PCDH7: variants seen among roughly 807,000 people sequenced by gnomAD.
The protein encoded by PCDH7 is protocadherin 7, also known as protocadherin-7.
Under a neutral mutation model 58.9 loss-of-function variants are expected in PCDH7, and 17 were observed. The ratio of observed to expected loss-of-function variants is 0.29; its 90% CI spans 0.20 to 0.43. The LOEUF is 0.43. PCDH7 is among the 20% of genes least tolerant of loss of function. The probability of loss-of-function intolerance (pLI) is 1.00; values close to 1 mark genes in which losing one functional copy is unlikely to be tolerated. For synonymous variants in PCDH7, 664 were observed against 616.4 expected (o/e 1.08, Z -1.14); for missense variants, 1,274 against 1,441.0 (o/e 0.88, Z 1.88).
chr4:31,096,225 C>A (rs1713961438), intron 3 of PCDH7, among the ~76,000 whole-genome samples: 1 of 152,130 alleles, frequency 6.6e-6, no homozygotes, highest in African/African-American at 2.4e-5. Context: ...TTAGACGGAA[C>A]TGTTTCTGGT....
chr4:30,905,745 AG>A (rs1317758254), intron 1 of PCDH7, among the ~76,000 whole-genome samples: 1 of 152,228 alleles, frequency 6.6e-6, no homozygotes, highest in Non-Finnish European at 1.5e-5. Flanking sequence ...GTGTAATCAT[AG>A]AGCCTTACAA....
rs71190491 is a variant in PCDH7 at position 31,108,369 on chromosome 4, T to TAAAAAAAAAAAAAAAAA, written c.*8-34080_*8-34064dup. 2.3e-4 allele frequency among the ~76,000 whole-genome samples: 14 copies of TAAAAAAAAAAAAAAAAA among 60,092 alleles called. 2 individuals are homozygous for TAAAAAAAAAAAAAAAAA. Among genetic ancestry groups the TAAAAAAAAAAAAAAAAA allele is most frequent in the East Asian group, 5.1e-4 (1 of 1,970 alleles). 39.4% of individuals were successfully genotyped at this position (60,092 alleles called of 152,430 possible). ...GTAGACTGTAACATACAGCATACAG[T>TAAAAAAAAAAAAAAAAA]AAAAAAAAAAAAAAAAAAAAAAAAA... On this transcript the variant is annotated intron_variant, in intron 3 of 3. Coordinates refer to the PCDH7 transcript ENST00000509759.
intron 3 of PCDH7, among the ~76,000 whole-genome samples, chr4:31,111,671 A>G (rs1716337334): frequency 6.6e-6 from 1 of 152,200 alleles, no homozygotes; most frequent in Admixed American, 6.5e-5. Context: ...ATGTTCTAAG[A>G]ACAATAAGCA....
At chr4:30,760,154 T>C (rs1385927564) in intron 1 of PCDH7, among the ~76,000 whole-genome samples, 1 of 152,198 alleles carries the variant, frequency 6.6e-6, no homozygotes, top group East Asian at 1.9e-4. Context: ...TTTCTACATG[T>C]TTCTCAGCCT....
Position 30,807,213 on chromosome 4 carries a change from C to G in PCDH7, c.70+82617C>G, listed in dbSNP as rs144641653. On this transcript the variant is annotated intron_variant, in intron 1 of 3. Transcript: ENST00000509759. The stretch of plus-strand genomic sequence containing the variant: ...ATTGTGCTTAAGCCTGGAAATTCTT[C>G]CCTTGAATCACAAATTATTTTATTA... Among the ~76,000 whole-genome samples the G allele has an allele frequency of 5.7e-3, 872 of 152,224 alleles. 12 individuals are homozygous for G. The highest frequency in any genetic ancestry group is 0.019 in the African/African-American group (809 of 41,534).
intron 1 of PCDH7, among the ~76,000 whole-genome samples, chr4:30,872,629 T>C (rs563644820): frequency 2.2e-4 from 34 of 152,090 alleles, no homozygotes; most frequent in African/African-American, 7.9e-4. Flanking sequence ...CTCTGTAAGT[T>C]TCAATCCCTC....
intron 3 of PCDH7, among the ~76,000 whole-genome samples, chr4:31,067,848 G>C (rs1296157080): frequency 1.3e-5 from 2 of 151,912 alleles, no homozygotes; most frequent in Non-Finnish European, 2.9e-5. Context: ...GAAGTTGCTG[G>C]AGATAAATGA....
At chr4:30,868,995 A>G (rs1465498189) in intron 1 of PCDH7, 1 of 152,114 alleles carries the variant, frequency 6.6e-6, no homozygotes, top group African/African-American at 2.4e-5. Flanking sequence ...GAAAACCAAA[A>G]ATGTTATCAA....
At chr4:30,945,011 T>G (rs539640069) in intron 2 of PCDH7, among the ~76,000 whole-genome samples, 5 of 152,228 alleles carry the variant, frequency 3.3e-5, no homozygotes, top group Admixed American at 3.3e-4. Context: ...CAACTAAATC[T>G]TGAAATTTTA....
intron 3 of PCDH7, among the ~76,000 whole-genome samples, chr4:31,008,842 T>C (rs1752971319): frequency 6.6e-6 from 1 of 152,146 alleles, no homozygotes; most frequent in Non-Finnish European, 1.5e-5. Context: ...TAAGCTAACA[T>C]AGTTCTTATT....
chr4:30,836,429 G>GA, intron 1 of PCDH7, among the ~76,000 whole-genome samples: 1 of 152,208 alleles, frequency 6.6e-6, no homozygotes, highest in South Asian at 2.1e-4. Flanking sequence ...TCTTTGGCAA[G>GA]AAAAAACATA....
intron 1 of PCDH7, among the ~76,000 whole-genome samples, chr4:30,822,345 G>A (rs1023959037): frequency 1.3e-5 from 2 of 152,126 alleles, no homozygotes; most frequent in Non-Finnish European, 2.9e-5. Context: ...GCCAGCGACC[G>A]CTTGGTTTGG....
At chr4:31,101,078 C>T (rs1714833062) in intron 3 of PCDH7, among the ~76,000 whole-genome samples, 1 of 152,060 alleles carries the variant, frequency 6.6e-6, no homozygotes. Flanking sequence ...AGCTGCTTCT[C>T]TGTTGATTAT....
At chr4:31,115,603 A>T (rs914107194) in intron 3 of PCDH7, among the ~76,000 whole-genome samples, 1 of 152,138 alleles carries the variant, frequency 6.6e-6, no homozygotes, top group African/African-American at 2.4e-5. Flanking sequence ...TTTTCTCTTA[A>T]ATTTTACTAT....
chr4:31,028,561 G>C (rs1382508352), intron 3 of PCDH7, among the ~76,000 whole-genome samples: 2 of 151,898 alleles, frequency 1.3e-5, no homozygotes, highest in African/African-American at 4.8e-5. Context: ...AGGTTGAGGT[G>C]GGTTGAAGTA....
At chr4:30,929,472 G>T (rs937342868) in intron 2 of PCDH7, among the ~76,000 whole-genome samples, 18 of 152,078 alleles carry the variant, frequency 1.2e-4, no homozygotes, top group African/African-American at 4.3e-4. Context: ...ATAATTGTAA[G>T]TTCGTTATAA....
chr4:30,759,109 T>A (rs1719703788), intron 1 of PCDH7, among the ~76,000 whole-genome samples: 1 of 151,846 alleles, frequency 6.6e-6, no homozygotes, highest in Admixed American at 6.6e-5. Context: ...GCCCAGCTAA[T>A]TTTTGTCCTT....
intron 1 of PCDH7, among the ~76,000 whole-genome samples, chr4:30,759,998 C>A (rs182406026): frequency 3.3e-5 from 5 of 152,090 alleles, no homozygotes; most frequent in Admixed American, 2.0e-4. Flanking sequence ...AATAGTGGCA[C>A]CTCCTCTCTA....
intron 3 of PCDH7, among the ~76,000 whole-genome samples, chr4:30,980,433 G>C (rs1750452748): frequency 6.6e-6 from 1 of 151,950 alleles, no homozygotes; most frequent in South Asian, 2.1e-4. Context: ...AGCTATTGGG[G>C]AAAAACATGG....
Sources: gnomAD v4.1 joint callset for allele counts (sites outside exome capture counted in the v4.1 genomes callset) on GRCh38, gnomAD v4.1.1 for gene constraint, MANE v1.5 for transcripts, NCBI Gene and HGNC (gene_info 2026-07-23, HGNC 2026-07-21) for gene names.